Variants in NKAIN2 observed in about 807,000 individuals in gnomAD.
NKAIN2 encodes the protein sodium/potassium transporting ATPase interacting 2, also known as sodium/potassium-transporting ATPase subunit beta-1-interacting protein 2.
In NKAIN2, 14 loss-of-function variants were observed where a neutral mutation model predicts 32.6. The ratio of observed to expected loss-of-function variants is 0.43; its 90% confidence interval spans 0.28 to 0.67. NKAIN2 has a LOEUF of 0.67. Among genes scored for constraint, NKAIN2 ranks in the 30% least tolerant of loss-of-function variants. The pLI, the probability that NKAIN2 is intolerant of heterozygous loss-of-function variation, is 0.17. For missense variants in NKAIN2, 198 were observed against 258.3 expected (o/e 0.77, Z 1.60); for synonymous variants, 80 against 87.2 (o/e 0.92, Z 0.46).
At chr6:124,547,835 A>C (rs1458730237) in intron 3 of NKAIN2, among the ~76,000 whole-genome samples, 1 of 152,148 alleles carries the variant, frequency 6.6e-6, no homozygotes, top group African/African-American at 2.4e-5. Flanking sequence ...TGGTGCCACC[A>C]GTCCAATTCT....
chr6:124,766,118 C>G (rs2114747041), intron 4 of NKAIN2, among the ~76,000 whole-genome samples: 1 of 152,254 alleles, frequency 6.6e-6, no homozygotes, highest in Non-Finnish European at 1.5e-5. Flanking sequence ...ATAAAACACA[C>G]AAAGTGTAAT....
intron 3 of NKAIN2, among the ~76,000 whole-genome samples, chr6:124,361,299 A>G (rs6935928): frequency 0.039 from 6,005 of 152,174 alleles, 391 homozygotes; most frequent in African/African-American, 0.13. Flanking sequence ...ATAAAATTAT[A>G]AATTACTCAG....
At chr6:124,220,291 C>G (rs1296752317) in intron 1 of NKAIN2, among the ~76,000 whole-genome samples, 1 of 152,086 alleles carries the variant, frequency 6.6e-6, no homozygotes, top group Admixed American at 6.6e-5. Flanking sequence ...CCCCTTCCAC[C>G]ATGATTGTTC....
chr6:124,478,290 A>G (rs181370880), intron 3 of NKAIN2, among the ~76,000 whole-genome samples: 1 of 152,332 alleles, frequency 6.6e-6, no homozygotes, highest in East Asian at 1.9e-4. Flanking sequence ...CTGTTTAAAA[A>G]AAGCACTGCT....
chr6:123,896,387 A>G (rs908719116), intron 1 of NKAIN2, among the ~76,000 whole-genome samples: 1 of 150,906 alleles, frequency 6.6e-6, no homozygotes, highest in Non-Finnish European at 1.5e-5. Context: ...CTCCCTTTAT[A>G]TCACCAACCT....
At chr6:124,658,407 G>A (rs367942867) in intron 4 of NKAIN2, 21 bp downstream of exon 4, 30 of 1,613,912 alleles carry the variant, frequency 1.9e-5, no homozygotes, top group African/African-American at 6.7e-5. Flanking sequence ...GCAGCCAACC[G>A]CTCCTTCTAG....
chr6:124,360,782 A>G (rs994286520), intron 3 of NKAIN2, among the ~76,000 whole-genome samples: 1 of 152,194 alleles, frequency 6.6e-6, no homozygotes, highest in African/African-American at 2.4e-5. Context: ...GAAACTAAAT[A>G]TCCTAAAGCA....
intron 4 of NKAIN2, among the ~76,000 whole-genome samples, chr6:124,760,418 TAA>T (rs201825300): frequency 4.3e-5 from 5 of 117,630 alleles, no homozygotes; most frequent in East Asian, 2.5e-4. Context: ...ACATAAAAGT[TAA>T]AAAAAAAAAA....
At chr6:124,128,104 C>A (rs1444613922) in intron 1 of NKAIN2, among the ~76,000 whole-genome samples, 1 of 152,178 alleles carries the variant, frequency 6.6e-6, no homozygotes, top group South Asian at 2.1e-4. Flanking sequence ...GCTGGGATTA[C>A]AGGCGTGAGC....
intron 1 of NKAIN2, among the ~76,000 whole-genome samples, chr6:124,217,525 T>C (rs759666695): frequency 1.7e-4 from 26 of 152,144 alleles, no homozygotes; most frequent in Non-Finnish European, 1.0e-4. Flanking sequence ...GATTGTATTT[T>C]ATGTCATTGA....
intron 3 of NKAIN2, among the ~76,000 whole-genome samples, chr6:124,609,819 G>A (rs866733644): frequency 2.8e-4 from 43 of 152,052 alleles, no homozygotes; most frequent in African/African-American, 1.0e-3. Context: ...AGAGAGCTAC[G>A]ACGCCGGGGC....
Position 124,382,112 on chromosome 6 carries a change from A to G in NKAIN2, c.273+26765A>G, listed in dbSNP as rs558703472. On this transcript the variant is annotated intron_variant, in intron 3 of 6. Transcript: ENST00000368417. ...TTAGATTTATTATTGAGGTAATGCA[A>G]TTACCCATTTTTTTTGCATTCATAT... is the stretch of plus-strand genomic sequence containing the variant. 5.0e-5 allele frequency among the ~76,000 whole-genome samples: 6 copies of G among 120,086 alleles called. No individual in the cohort carries two copies. The East Asian group carries it at 9.8e-4, about 20-fold the overall frequency. 78.8% of individuals were successfully genotyped at this position (120,086 alleles called of 152,430 possible).
At chr6:124,806,682 A>G (rs1313459163) in intron 5 of NKAIN2, among the ~76,000 whole-genome samples, 4 of 152,336 alleles carry the variant, frequency 2.6e-5, no homozygotes, top group Middle Eastern at 3.4e-3. Context: ...CAATTAAAAG[A>G]CACAGACTGG....
intron 3 of NKAIN2, among the ~76,000 whole-genome samples, chr6:124,581,416 G>A (rs1166428143): frequency 9.4e-4 from 128 of 136,556 alleles, no homozygotes; most frequent in South Asian, 1.4e-3. Context: ...TCCGCAGTCC[G>A]GCCTGGGCAA....
chr6:124,477,833 TTCTTCC>T (rs943739303), intron 3 of NKAIN2, among the ~76,000 whole-genome samples: 1 of 142,054 alleles, frequency 7.0e-6, no homozygotes, highest in Non-Finnish European at 1.5e-5. Context: ...CTCCTCCTTC[TTCTTCC>T]TCTTCCTCTT....
intron 1 of NKAIN2, among the ~76,000 whole-genome samples, chr6:124,028,925 GTA>G (rs201017247): frequency 0.012 from 926 of 79,834 alleles, 5 homozygotes; most frequent in African/African-American, 0.055. Context: ...ATATATATGT[GTA>G]TATATATATA....
At chr6:124,819,954 C>A (rs1781324524) in intron 6 of NKAIN2, among the ~76,000 whole-genome samples, 1 of 152,154 alleles carries the variant, frequency 6.6e-6, no homozygotes, top group East Asian at 1.9e-4. Context: ...GTTCTCTTGA[C>A]AACAAACATC....
intron 4 of NKAIN2, among the ~76,000 whole-genome samples, chr6:124,688,011 T>C (rs949777534): frequency 2.0e-5 from 3 of 151,928 alleles, no homozygotes; most frequent in Non-Finnish European, 2.9e-5. Flanking sequence ...GAAAAACAAT[T>C]TACTAACCAT....
intron 3 of NKAIN2, among the ~76,000 whole-genome samples, chr6:124,372,683 T>G (rs1267006837): frequency 2.0e-5 from 3 of 152,212 alleles, no homozygotes; most frequent in African/African-American, 7.2e-5. Flanking sequence ...CCAAGTATAC[T>G]TTTAGTTTAT....
Sources: allele counts gnomAD v4.1 joint callset (sites outside exome capture counted in the v4.1 genomes callset), GRCh38; gene constraint gnomAD v4.1.1; transcripts MANE v1.5; gene names NCBI Gene and HGNC (gene_info 2026-07-23, HGNC 2026-07-21).